KLC3: variants seen among roughly 807,000 people sequenced by gnomAD.
The protein encoded by KLC3 is kinesin light chain 2.
Under a neutral mutation model 62.9 loss-of-function variants are expected in KLC3, and 72 were observed. The ratio of observed to expected loss-of-function variants is 1.15; its 90% CI spans 0.95 to 1.39. The LOEUF is 1.39. Ranked by LOEUF, KLC3 falls within the 40% of genes most tolerant of loss-of-function variation. The pLI, the probability that KLC3 is intolerant of heterozygous loss-of-function variation, is 0.00. For missense variants in KLC3, 848 were observed against 691.6 expected (o/e 1.23, Z -2.54); for synonymous variants, 377 against 300.5 (o/e 1.25, Z -2.63).
intron 1 of KLC3, among the ~76,000 whole-genome samples, chr19:45,341,312 C>T (rs1420655016): frequency 1.3e-5 from 2 of 151,870 alleles, no homozygotes; most frequent in Non-Finnish European, 2.9e-5. Flanking sequence ...TATGATGTGA[C>T]ACTTTTAGCA....
In KLC3 at chr19:45,351,284, A is replaced by C. The variant is rs754145736; in HGVS notation, c.1444-2A>C. ...CCAACCATCCCCTGTGCCTGTCTCC[A>C]GTTTCCCAGCTGGCACCTGGACAAG... is the stretch of plus-strand genomic sequence containing the variant. On this transcript the variant is annotated splice_acceptor_variant, in intron 12 of 12. Coordinates refer to ENST00000391946, the MANE Select transcript of KLC3 (RefSeq NM_177417.3). LOFTEE classifies it high-confidence loss of function. 3 of 1,612,496 alleles carry C rather than the reference A, an allele frequency of 1.9e-6. No individual in the cohort carries two copies. The highest frequency in any genetic ancestry group is 2.5e-6 in the Non-Finnish European group (3 of 1,179,910).
At chr19:45,341,586 C>T (rs762833266) in intron 1 of KLC3, among the ~76,000 whole-genome samples, 27 of 114,604 alleles carry the variant, frequency 2.4e-4, no homozygotes, top group South Asian at 3.2e-4. Flanking sequence ...TGTGCGCGCG[C>T]GCGTGTGGTG....
intron 3 of KLC3, 77 bp downstream of exon 3, chr19:45,346,851 C>A: frequency 1.5e-6 from 2 of 1,309,058 alleles, no homozygotes; most frequent in Admixed American, 2.1e-5. Context: ...TCCTTAGAAT[C>A]CCACAGTCCC....
chr19:45,351,053 C>T (rs1186873308), intron 12 of KLC3, 36 bp downstream of exon 12: 12 of 1,613,672 alleles, frequency 7.4e-6, no homozygotes, highest in Non-Finnish European at 9.3e-6. Context: ...TAGAGGAGGC[C>T]ATGTGGGTAG....
At position 45,346,753 on chromosome 19, in the gene KLC3, C is replaced by T. The variant is rs769577923; in HGVS notation, c.468C>T (p.Tyr156=). 132 of 1,584,908 alleles carry T rather than the reference C, an allele frequency of 8.3e-5. No homozygotes were observed. Among genetic ancestry groups the T allele is most frequent in the South Asian group, 6.1e-4 (53 of 86,824 alleles). ...HLEFLGQLRQ[Y]DPPAESQQSE... is the part of the protein sequence containing the mutation. ...AGTTCCTGGGGCAGCTGCGACAGTA[C>T]GACCCACCGGCGGAGAGCCAGGTGC... is the stretch of plus-strand genomic sequence containing the variant. The change falls in exon 3 of 13, where the codon TAC becomes TAT. Residue 156 remains tyrosine (Y), a synonymous_variant. Transcript: ENST00000391946.
rs753685513 is a variant in KLC3 at position 45,348,092 on chromosome 19, G to A, written c.711G>A (p.Leu237=). ...TGTGCCGCCAGGCCTTGGAGGACCT[G>A]GAGCGCAGCTCGGGCCACTGCCACC... ...VPLCRQALED[L]ERSSGHCHPD... Residue 237 remains leucine (L), a synonymous_variant, in exon 5 of 13, where the codon CTG becomes CTA. Coordinates refer to ENST00000391946, the MANE Select transcript of KLC3 (RefSeq NM_177417.3). 5.0e-6 allele frequency: 8 copies of A among 1,602,736 alleles called. No individual in the cohort carries two copies. Among genetic ancestry groups the A allele is most frequent in the South Asian group, 2.2e-5 (2 of 89,286 alleles).
chr19:45,341,630 ATGAT>A (rs558072635), intron 1 of KLC3, among the ~76,000 whole-genome samples: 205 of 147,148 alleles, frequency 1.4e-3, no homozygotes, highest in East Asian at 0.014. Flanking sequence ...ATAGGTGACT[ATGAT>A]TGACTTTTGA....
In KLC3 at chr19:45,347,034, C is replaced by T; in HGVS notation, c.489+260C>T. 3 of 488,684 alleles carry T rather than the reference C, an allele frequency of 6.1e-6. No homozygotes were observed. The South Asian group carries it at 8.8e-5, about 14-fold the overall frequency. 30.3% of individuals were successfully genotyped at this position (488,684 alleles called of 1,614,324 possible). A position where few individuals can be genotyped will look rare whatever the true frequency, so the allele number is the denominator to read the frequency against. ...CCCAGGGGGCCTCTGACGCTCGTGA[C>T]CACCACCTCCCTCAAACCTTGAGAT... On this transcript the variant is annotated intron_variant, in intron 3 of 12. Transcript: ENST00000391946.
At chr19:45,341,383 A>T (rs1170086998) in intron 1 of KLC3, among the ~76,000 whole-genome samples, 1 of 152,016 alleles carries the variant, frequency 6.6e-6, no homozygotes. Context: ...GATTGCTGGT[A>T]GCACTTTACG....
At chr19:45,348,238 C>A (rs1555773879) in intron 5 of KLC3, 78 bp downstream of exon 5, 3 of 1,322,090 alleles carry the variant, frequency 2.3e-6, no homozygotes, top group Admixed American at 4.3e-5. Context: ...ATCCTGGTGC[C>A]CCCTCTGTCA....
rs1189894967 is a variant in KLC3 at position 45,348,977 on chromosome 19, A to T, written c.969+56A>T. 5 of 1,434,376 alleles carry T rather than the reference A, an allele frequency of 3.5e-6. No homozygotes were observed. The East Asian group carries it at 1.2e-4, about 35-fold the overall frequency. 88.9% of individuals were successfully genotyped at this position (1,434,376 alleles called of 1,614,324 possible). Reference sequence around the variant, plus strand: ...CCCCTTGTCCCATGTAGCCCTCCCCAGGGATGCTGAGCACGTACATCGTGA... The same window carrying T: ...CCCCTTGTCCCATGTAGCCCTCCCCTGGGATGCTGAGCACGTACATCGTGA... On this transcript the variant is annotated intron_variant, in intron 7 of 12. Transcript: ENST00000391946.
Position 45,346,776 on chromosome 19 carries a change from T to A in KLC3, c.489+2T>A, listed in dbSNP as rs1403073452. ...TACGACCCACCGGCGGAGAGCCAGG[T>A]GCCACGGGCAGGGCGAGGCGGGGGG... On this transcript the variant is annotated splice_donor_variant, in intron 3 of 12. Transcript: ENST00000391946. LOFTEE classifies it high-confidence loss of function. 6.4e-7 allele frequency: 1 copy of A among 1,570,506 alleles called. No homozygotes were observed. Among genetic ancestry groups the A allele is most frequent in the South Asian group, 1.2e-5 (1 of 85,590 alleles).
chr19:45,341,554 G>GGGGTGTGT (rs1555772477), intron 1 of KLC3, among the ~76,000 whole-genome samples: 3 of 144,112 alleles, frequency 2.1e-5, no homozygotes, highest in East Asian at 2.0e-4. Context: ...TCTGCCTGTT[G>GGGGTGTGT]GTGTGTGTGT....
chr19:45,348,592 G>A (rs1971569381), intron 5 of KLC3, 54 bp from the exon 6 acceptor site: 1 of 1,521,236 alleles, frequency 6.6e-7, no homozygotes, highest in Non-Finnish European at 8.9e-7. Context: ...CCCTGTGGCT[G>A]CAGCTGCCCC....
chr19:45,341,314 CTT>C (rs1462387584), intron 1 of KLC3, among the ~76,000 whole-genome samples: 2 of 151,942 alleles, frequency 1.3e-5, no homozygotes, highest in African/African-American at 4.8e-5. Context: ...TGATGTGACA[CTT>C]TTAGCAATGT....
chr19:45,343,305 G>C (rs182057513), intron 1 of KLC3, among the ~76,000 whole-genome samples: 1 of 152,162 alleles, frequency 6.6e-6, no homozygotes, highest in African/African-American at 2.4e-5. Context: ...TAGTTTCTGC[G>C]TGGGTTGGCT....
At chr19:45,342,967 G>A (rs1048522388) in intron 1 of KLC3, among the ~76,000 whole-genome samples, 4 of 152,184 alleles carry the variant, frequency 2.6e-5, no homozygotes, top group African/African-American at 9.7e-5. Context: ...TGGCTTGAGT[G>A]AAGTGTGCGA....
At chr19:45,349,209 C>T (rs1385074753) in intron 7 of KLC3, among the ~76,000 whole-genome samples, 5 of 152,124 alleles carry the variant, frequency 3.3e-5, no homozygotes, top group East Asian at 1.9e-4. Flanking sequence ...CCAACCCTGA[C>T]CTACCCATCT....
chr19:45,341,779 G>GTA (rs1971402052), intron 1 of KLC3, among the ~76,000 whole-genome samples: 1 of 11,756 alleles, frequency 8.5e-5, no homozygotes, highest in Non-Finnish European at 1.5e-3. Context: ...GTGTGTGCGT[G>GTA]TGTGTGTGTG....
Sources: gnomAD v4.1 joint callset for allele counts (sites outside exome capture counted in the v4.1 genomes callset) on GRCh38, gnomAD v4.1.1 for gene constraint, MANE v1.5 for transcripts, NCBI Gene and HGNC (gene_info 2026-07-23, HGNC 2026-07-21) for gene names.